The following DBF4B variants were observed in gnomAD, a reference collection of about 807,000 sequenced individuals.
DBF4B encodes the protein protein DBF4 homolog B.
DBF4B carries 49 observed loss-of-function variants against 53.4 expected under a neutral mutation model. That is an observed-to-expected ratio of 0.92 (90% CI 0.73 to 1.16). The LOEUF (loss-of-function observed/expected upper bound fraction) is 1.16, where lower values mean the gene tolerates loss of function less well. Ranked by LOEUF, DBF4B falls within the 50% of genes most tolerant of loss-of-function variation. The pLI is 0.00. For missense variants in DBF4B, 692 were observed against 775.0 expected (o/e 0.89, Z 1.27); for synonymous variants, 257 against 288.7 (o/e 0.89, Z 1.11).
Position 44,749,080 on chromosome 17 carries a change from G to C in DBF4B, c.1189+615G>C, listed in dbSNP as rs1193434021. 7.8e-7 allele frequency: 1 copy of C among 1,289,680 alleles called. No homozygotes were observed. Among genetic ancestry groups the C allele is most frequent in the East Asian group, 5.5e-5 (1 of 18,030 alleles). The allele number at this position is 1,289,680 out of a possible 1,614,324, so 79.9% of individuals were successfully genotyped here. On this transcript the variant is annotated intron_variant, in intron 13 of 13. Coordinates refer to ENST00000315005, the MANE Select transcript of DBF4B (RefSeq NM_145663.3). This position sits in a 1 kb window ranked among gnomAD's most constrained non-coding sequence, Gnocchi z 4.4. ...GCTCCTCAGCTGCCCCACAGCTCCAGGCTGGCCATCAGCTCCCCTGTACTC... is the reference window on the plus strand; with the variant it reads ...GCTCCTCAGCTGCCCCACAGCTCCACGCTGGCCATCAGCTCCCCTGTACTC...
chr17:44,728,680 G>A (rs555930249), intron 3 of DBF4B, among the ~76,000 whole-genome samples: 3 of 152,110 alleles, frequency 2.0e-5, no homozygotes, highest in Admixed American at 6.6e-5. Flanking sequence ...AGCTGGGCGT[G>A]GTGGCATGCG....
chr17:44,736,717 TCAA>T (rs1428934172), intron 7 of DBF4B, 110 bp from the exon 8 acceptor site: 1 of 1,195,938 alleles, frequency 8.4e-7, no homozygotes, highest in Admixed American at 1.8e-5. Context: ...TGCAGGCCTC[TCAA>T]CAGCAGGAAG....
chr17:44,730,876 G>A (rs1031702540), intron 4 of DBF4B, 89 bp from the exon 5 acceptor site: 3 of 1,394,048 alleles, frequency 2.2e-6, no homozygotes, highest in Admixed American at 3.5e-5. Context: ...ATAACCCCAA[G>A]ACATAACCCC....
rs868771124 is a variant in DBF4B, at chr17:44,714,286, G to C, written c.82+4920G>C. 1.1e-4 allele frequency among the ~76,000 whole-genome samples: 17 copies of C among 151,992 alleles called. 1 individual carries two copies. The highest frequency in any genetic ancestry group is 8.3e-4 in the South Asian group (4 of 4,818). ...CATAATTCACTGTAGAACTCATCCA[G>C]GTAACCAAAAACTACCTGTACCCCA... On this transcript the variant is annotated intron_variant, in intron 2 of 13. Transcript: ENST00000315005.
chr17:44,722,784 T>C, intron 2 of DBF4B, 96 bp from the exon 3 acceptor site: 1 of 1,385,798 alleles, frequency 7.2e-7, no homozygotes, highest in South Asian at 1.3e-5. Flanking sequence ...TAGTCTGTGC[T>C]ATTATAGCAC....
At position 44,749,563 on chromosome 17, in the gene DBF4B, T is replaced by A; in HGVS notation, c.1190-1032T>A. 8.3e-7 allele frequency: 1 copy of A among 1,208,428 alleles called. No homozygotes were observed. The highest frequency in any genetic ancestry group is 1.1e-6 in the Non-Finnish European group (1 of 950,630). The allele number at this position is 1,208,428 out of a possible 1,614,324, so 74.9% of individuals were successfully genotyped here. A position where few individuals can be genotyped will look rare whatever the true frequency, so the allele number is the denominator to read the frequency against. ...CCACCCCTCCCACTGGCCAGGTCTT[T>A]GGGAGAGAATCTGGGCTGGGGGCTG... is the stretch of plus-strand genomic sequence containing the variant. On this transcript the variant is annotated intron_variant, in intron 13 of 13. Coordinates refer to ENST00000315005, the MANE Select transcript of DBF4B (RefSeq NM_145663.3). The surrounding 1 kb of genome is among the most constrained non-coding windows in gnomAD (Gnocchi z 4.4).
At chr17:44,709,684 G>A (rs964868590) in intron 2 of DBF4B, among the ~76,000 whole-genome samples, 6 of 152,078 alleles carry the variant, frequency 3.9e-5, no homozygotes, top group Non-Finnish European at 8.8e-5. Flanking sequence ...TGGGATTCAT[G>A]ATAAAGGTCA....
rs2049234950 is a variant in DBF4B, at chr17:44,749,902, C to G, written c.1190-693C>G. ...TCCCCTCCCCCAGCCCCCCACGCTC[C>G]CGCACACAGATCCTCAGGAACATAT... On this transcript the variant is annotated intron_variant, in intron 13 of 13. Transcript: ENST00000315005. The surrounding 1 kb of genome is among the most constrained non-coding windows in gnomAD (Gnocchi z 4.4). 9.6e-7 allele frequency: 1 copy of G among 1,038,530 alleles called. No individual in the cohort carries two copies. Among genetic ancestry groups the G allele is most frequent in the Non-Finnish European group, 1.2e-6 (1 of 861,712 alleles). 64.3% of individuals were successfully genotyped at this position (1,038,530 alleles called of 1,614,324 possible).
chr17:44,711,968 G>T (rs559496356), intron 2 of DBF4B, among the ~76,000 whole-genome samples: 1 of 151,590 alleles, frequency 6.6e-6, no homozygotes, highest in African/African-American at 2.4e-5. Context: ...GTGGTGGCAG[G>T]CTCCTATAAT....
intron 12 of DBF4B, 137 bp from the exon 13 acceptor site, chr17:44,748,204 T>C: frequency 8.3e-7 from 1 of 1,206,374 alleles, no homozygotes; most frequent in South Asian, 1.5e-5. Flanking sequence ...AGGAGGACTT[T>C]CACACAGGGC....
rs771546425 is a variant in DBF4B, at chr17:44,750,588, C to T, written c.1190-7C>T. The T allele has an allele frequency of 1.1e-5, 18 of 1,602,498 alleles. No homozygotes were observed. In the South Asian group the frequency reaches 1.3e-4, roughly 12 times the overall value. On this transcript the variant is annotated splice_polypyrimidine_tract_variant and splice_region_variant and intron_variant, in intron 13 of 13. Coordinates refer to ENST00000315005, the MANE Select transcript of DBF4B (RefSeq NM_145663.3). ...TGCCATATGTCGGTCCTTGATCTGC[C>T]CTCCAGTGACCCAAGGCAGGGCTGC...
chr17:44,719,838 G>T, intron 2 of DBF4B: 1 of 231,376 alleles, frequency 4.3e-6, no homozygotes, highest in Non-Finnish European at 9.1e-6. Flanking sequence ...GCTGAGGAAA[G>T]CTTTGATTTT....
Position 44,732,079 on chromosome 17 carries a change from G to A in DBF4B, c.469-99G>A. 2.6e-6 allele frequency: 3 copies of A among 1,159,790 alleles called. No individual in the cohort carries two copies. In the South Asian group the frequency reaches 4.3e-5, roughly 16 times the overall value. The allele number at this position is 1,159,790 out of a possible 1,614,324, so 71.8% of individuals were successfully genotyped here. A position where few individuals can be genotyped will look rare whatever the true frequency, so the allele number is the denominator to read the frequency against. On this transcript the variant is annotated intron_variant, in intron 5 of 13. Coordinates refer to ENST00000315005, the MANE Select transcript of DBF4B (RefSeq NM_145663.3). ...CCTGCCTCCCTGCAGTCCCTCCCAT[G>A]GATGACTCAGGCCTCCCAGAAGCAA...
chr17:44,745,556 C>T (rs1976510982), intron 10 of DBF4B, among the ~76,000 whole-genome samples: 1 of 152,186 alleles, frequency 6.6e-6, no homozygotes, highest in Admixed American at 6.5e-5. Flanking sequence ...GAGCCCCTTA[C>T]AAAAGCATCA....
At chr17:44,734,029 G>A in intron 6 of DBF4B, 61 bp from the exon 7 acceptor site, 1 of 1,419,568 alleles carries the variant, frequency 7.0e-7, no homozygotes, top group Non-Finnish European at 1.0e-6. Context: ...CCCAGGAAGG[G>A]GCTGTGCTAG....
At chr17:44,720,253 T>G in intron 2 of DBF4B, 1 of 315,142 alleles carries the variant, frequency 3.2e-6, no homozygotes, top group Non-Finnish European at 6.1e-6. Flanking sequence ...ACATCTTCAG[T>G]AGGGTAATAT....
In DBF4B at chr17:44,751,923, CTCGT is replaced by C. The variant is rs1481449715; in HGVS notation, c.*677_*680del. 2 of 1,536,126 alleles carry C rather than the reference CTCGT, an allele frequency of 1.3e-6. No individual in the cohort carries two copies. Among genetic ancestry groups the C allele is most frequent in the African/African-American group, 1.4e-5 (1 of 73,014 alleles). Reference sequence around the variant, plus strand: ...GCCCTTCCTCACCATTGCCCATTCCCTCGTTCGTTCATTCAGCACAGGCCTTGCC... The same window carrying C: ...GCCCTTCCTCACCATTGCCCATTCCCTCGTTCATTCAGCACAGGCCTTGCC... On this transcript the variant is annotated 3_prime_UTR_variant, in exon 14 of 14. Coordinates refer to ENST00000315005, the MANE Select transcript of DBF4B (RefSeq NM_145663.3).
At chr17:44,715,514 C>T (rs1028108512) in intron 2 of DBF4B, among the ~76,000 whole-genome samples, 1 of 151,914 alleles carries the variant, frequency 6.6e-6, no homozygotes, top group Admixed American at 6.6e-5. Context: ...TTGTTTTTCT[C>T]TCCCATTTTG....
Position 44,734,141 on chromosome 17 carries a change from A to T in DBF4B, c.608A>T (p.Lys203Ile), listed in dbSNP as rs753776540. ...TCTCTTGCGTCTTTATGTGTGAAAAAACAACAGCCAAAGAAGCCAGAGGTA... is the reference window on the plus strand; with the variant it reads ...TCTCTTGCGTCTTTATGTGTGAAAATACAACAGCCAAAGAAGCCAGAGGTA... ...QLSLASLCVKKQQPKKPEGTC... is the reference protein window; with the variant it reads ...QLSLASLCVKIQQPKKPEGTC... Residue 203 changes from lysine (K) to isoleucine (I), a missense_variant, in exon 7 of 14, where the codon AAA (lysine) becomes ATA (isoleucine). Coordinates refer to ENST00000315005, the MANE Select transcript of DBF4B (RefSeq NM_145663.3). The T allele has an allele frequency of 6.2e-7, 1 of 1,614,146 alleles. No homozygotes were observed. The highest frequency in any genetic ancestry group is 1.1e-5 in the South Asian group (1 of 91,080).
Sources: gnomAD v4.1 joint callset for allele counts (sites outside exome capture counted in the v4.1 genomes callset) on GRCh38, gnomAD v4.1.1 for gene constraint, Gnocchi (gnomAD v3.1) non-coding constraint, MANE v1.5 for transcripts, NCBI Gene and HGNC (gene_info 2026-07-23, HGNC 2026-07-21) for gene names.